The following TSPAN8 variants were observed in gnomAD, a reference collection of about 807,000 sequenced individuals.
TSPAN8 encodes the protein tetraspanin-8.
TSPAN8 carries 21 observed loss-of-function variants against 32.8 expected under a neutral mutation model. The observed-to-expected ratio is 0.64, with a 90% CI of 0.45 to 0.92. The LOEUF is 0.92. Among genes scored for constraint, TSPAN8 ranks in the 40% least tolerant of loss-of-function variants. The pLI is 0.00. For synonymous variants in TSPAN8, 95 were observed against 94.6 expected, an observed-to-expected ratio of 1.00 and a Z score of -0.03; for missense variants, 269 against 281.9, an observed-to-expected ratio of 0.95 and a Z score of 0.33.
chr12:71,155,727 T>C (rs1227297091), intron 2 of TSPAN8, among the ~76,000 whole-genome samples: 1 of 151,112 alleles, frequency 6.6e-6, no homozygotes, highest in Non-Finnish European at 1.5e-5. Context: ...ATAATGATAT[T>C]GTGGTAACAT....
At position 71,147,336 on chromosome 12, in the gene TSPAN8, G is replaced by A. The variant is rs192091747; in HGVS notation, c.61-3123C>T. Among the ~76,000 whole-genome samples, 19 of 152,216 alleles carry A rather than the reference G, an allele frequency of 1.2e-4. No homozygotes were observed. The East Asian group carries it at 3.5e-3, about 28-fold the overall frequency. ...CCTCCAAATTGTACCCTTTTATTTG[G>A]TGTTTATTGAAGTATGTTTGGAGAA... On this transcript the variant is annotated intron_variant, in intron 2 of 8. Coordinates refer to ENST00000247829, the MANE Select transcript of TSPAN8 (RefSeq NM_004616.3).
At chr12:71,154,813 G>A (rs1565790753) in intron 2 of TSPAN8, among the ~76,000 whole-genome samples, 1 of 152,124 alleles carries the variant, frequency 6.6e-6, no homozygotes, top group Non-Finnish European at 1.5e-5. Context: ...TGGCTGATTC[G>A]AGGTCTGGAC....
chr12:71,132,588 A>G, intron 7 of TSPAN8, 105 bp downstream of exon 7: 1 of 1,313,904 alleles, frequency 7.6e-7, no homozygotes, highest in Non-Finnish European at 1.0e-6. Flanking sequence ...TTTTTATATC[A>G]TGATTCCCAT....
chr12:71,143,234 GAAT>G (rs2137055288), intron 3 of TSPAN8, among the ~76,000 whole-genome samples: 1 of 152,260 alleles, frequency 6.6e-6, no homozygotes, highest in South Asian at 2.1e-4. Context: ...TGGAGCCCCA[GAAT>G]AGAAGAAGGG....
chr12:71,131,602 C>T (rs1198604404), intron 7 of TSPAN8, among the ~76,000 whole-genome samples: 1 of 150,964 alleles, frequency 6.6e-6, no homozygotes, highest in Non-Finnish European at 1.5e-5. Flanking sequence ...ATGTATCTGC[C>T]TCTCAACTAG....
At chr12:71,129,584 G>A (rs898347758) in intron 7 of TSPAN8, among the ~76,000 whole-genome samples, 170 bp from the exon 8 acceptor site, 2 of 152,148 alleles carry the variant, frequency 1.3e-5, no homozygotes, top group Non-Finnish European at 2.9e-5. Flanking sequence ...GCTCCAAAAG[G>A]TTGTAACTGT....
intron 8 of TSPAN8, among the ~76,000 whole-genome samples, chr12:71,128,956 G>A (rs377410601): frequency 3.3e-5 from 5 of 152,014 alleles, no homozygotes; most frequent in Non-Finnish European, 5.9e-5. Context: ...TGTAAAGGTC[G>A]TATTTTGCTT....
rs763217771 is a variant in TSPAN8, at chr12:71,156,250, C to CAAAAAAAAAAAAAAAAAAAAAAAAAAA, written c.60+1368_60+1369insTTTTTTTTTTTTTTTTTTTTTTTTTTT. Among the ~76,000 whole-genome samples the CAAAAAAAAAAAAAAAAAAAAAAAAAAA allele has an allele frequency of 1.0e-3, 25 of 24,360 alleles. 1 individual carries two copies. Among genetic ancestry groups the CAAAAAAAAAAAAAAAAAAAAAAAAAAA allele is most frequent in the African/African-American group, 4.2e-3 (18 of 4,314 alleles). The allele number at this position is 24,360 out of a possible 152,430, so 16.0% of individuals were successfully genotyped here. A position where few individuals can be genotyped will look rare whatever the true frequency, so the allele number is the denominator to read the frequency against. On this transcript the variant is annotated intron_variant, in intron 2 of 8. Coordinates refer to ENST00000247829, the MANE Select transcript of TSPAN8 (RefSeq NM_004616.3). ...TCTTTAGTGAATATTCAAAGTTCTC[C>CAAAAAAAAAAAAAAAAAAAAAAAAAAA]AAAAAAAAAAAAAAAAAACAAACAA...
chr12:71,143,098 C>G (rs953842977), intron 3 of TSPAN8, among the ~76,000 whole-genome samples: 4 of 152,192 alleles, frequency 2.6e-5, no homozygotes, highest in Non-Finnish European at 4.4e-5. Flanking sequence ...GAGAAACTCT[C>G]TTTATGTGGG....
chr12:71,154,197 C>T (rs1037098794), intron 2 of TSPAN8, among the ~76,000 whole-genome samples: 2 of 152,026 alleles, frequency 1.3e-5, no homozygotes, highest in African/African-American at 2.4e-5. Flanking sequence ...GTAATCCCAG[C>T]TACTCGGGAG....
chr12:71,135,561 G>T (rs1871670992), intron 6 of TSPAN8, among the ~76,000 whole-genome samples: 1 of 151,280 alleles, frequency 6.6e-6, no homozygotes, highest in Admixed American at 6.6e-5. Context: ...GAAGAAGGAG[G>T]AGAAGAAGAA....
At chr12:71,154,671 A>G (rs1166393952) in intron 2 of TSPAN8, among the ~76,000 whole-genome samples, 2 of 152,208 alleles carry the variant, frequency 1.3e-5, no homozygotes, top group African/African-American at 4.8e-5. Context: ...ATCTTTAATA[A>G]AATAGGAGCC....
chr12:71,134,053 A>G (rs1248576008), intron 6 of TSPAN8, among the ~76,000 whole-genome samples: 5 of 152,228 alleles, frequency 3.3e-5, no homozygotes, highest in Non-Finnish European at 7.3e-5. Context: ...TGTGTAATAA[A>G]ATCATTTATT....
intron 2 of TSPAN8, among the ~76,000 whole-genome samples, chr12:71,154,041 C>T (rs987636497): frequency 3.3e-5 from 5 of 152,020 alleles, no homozygotes; most frequent in African/African-American, 1.2e-4. Context: ...AGGCGCGGTG[C>T]CTCATCCCTG....
At chr12:71,129,951 CTTTT>C (rs35715058) in intron 7 of TSPAN8, among the ~76,000 whole-genome samples, 4 of 140,200 alleles carry the variant, frequency 2.9e-5, no homozygotes, top group Non-Finnish European at 3.1e-5. Flanking sequence ...TTCTTTCTTT[CTTTT>C]TTTTTTTTTT....
chr12:71,135,062 A>T (rs1422380210), intron 6 of TSPAN8, among the ~76,000 whole-genome samples: 18 of 152,144 alleles, frequency 1.2e-4, no homozygotes, highest in Admixed American at 1.2e-3. Context: ...TCCAAAGAGA[A>T]AGCCACTCAG....
chr12:71,136,330 T>A (rs1382599683), intron 6 of TSPAN8, among the ~76,000 whole-genome samples: 1 of 152,244 alleles, frequency 6.6e-6, no homozygotes, highest in Admixed American at 6.5e-5. Context: ...CAGACTTGCA[T>A]ATAAGCAGGA....
intron 2 of TSPAN8, among the ~76,000 whole-genome samples, chr12:71,154,442 G>A (rs1419097579): frequency 6.6e-5 from 10 of 151,626 alleles, no homozygotes; most frequent in African/African-American, 1.7e-4. Flanking sequence ...ATCAAGGTAG[G>A]TAGGTAAATA....
intron 2 of TSPAN8, among the ~76,000 whole-genome samples, chr12:71,156,174 C>T (rs1280018971): frequency 2.1e-5 from 3 of 141,468 alleles, no homozygotes; most frequent in Non-Finnish European, 4.5e-5. Context: ...GATTGGCCAT[C>T]TTTCTGTGGC....
Sources: allele counts gnomAD v4.1 joint callset (sites outside exome capture counted in the v4.1 genomes callset), GRCh38; gene constraint gnomAD v4.1.1; transcripts MANE v1.5; gene names NCBI Gene and HGNC (gene_info 2026-07-23, HGNC 2026-07-21).